AIDA: variants seen among roughly 807,000 people sequenced by gnomAD.
AIDA encodes the protein axin interactor, dorsalization-associated protein.
In AIDA, 18 loss-of-function variants were observed where a neutral mutation model predicts 42.7. The observed-to-expected ratio is 0.42, with a 90% confidence interval of 0.29 to 0.63. The LOEUF (loss-of-function observed/expected upper bound fraction) is 0.63. AIDA is among the 20% of genes least tolerant of loss of function. The probability of loss-of-function intolerance (pLI) is 0.19; values close to 1 mark genes in which losing one functional copy is unlikely to be tolerated. For synonymous variants in AIDA, 104 were observed against 122.9 expected (o/e 0.85, Z 1.02); for missense variants, 250 against 354.1 (o/e 0.71, Z 2.36).
intron 9 of AIDA, 29 bp downstream of exon 9, chr1:222,670,104 A>C (rs773664410): frequency 6.2e-7 from 1 of 1,609,584 alleles, no homozygotes; most frequent in South Asian, 1.1e-5. Flanking sequence ...CCATCAAATT[A>C]GTACTAATTC....
Position 222,705,382 on chromosome 1 carries a change from T to G in AIDA, c.111-2165A>C, listed in dbSNP as rs554518786. On this transcript the variant is annotated intron_variant, in intron 1 of 9. Transcript: ENST00000340020. ...ACTCCCGAGTAATCTATACACTGTA[T>G]CCTTAACAACATCAACTATACATCC... Among the ~76,000 whole-genome samples, 4 of 152,310 alleles carry G rather than the reference T, an allele frequency of 2.6e-5. No individual in the cohort carries two copies. The South Asian group carries it at 8.3e-4, about 32-fold the overall frequency.
At position 222,686,927 on chromosome 1, in the gene AIDA, T is replaced by A; in HGVS notation, c.460+3A>T. On this transcript the variant is annotated splice_donor_region_variant and intron_variant, in intron 6 of 9. Transcript: ENST00000340020. ...ATGTTTATTTTTAATAAGTGATACCTACCGGGAACTCTAGCAGGAAAAGAA... is the reference window on the plus strand; with the variant it reads ...ATGTTTATTTTTAATAAGTGATACCAACCGGGAACTCTAGCAGGAAAAGAA... 6.2e-7 allele frequency: 1 copy of A among 1,612,954 alleles called. No individual in the cohort carries two copies. The highest frequency in any genetic ancestry group is 2.2e-5 in the East Asian group (1 of 44,870).
chr1:222,680,546 C>T (rs1015079820), intron 6 of AIDA, among the ~76,000 whole-genome samples: 1 of 152,150 alleles, frequency 6.6e-6, no homozygotes, highest in Admixed American at 6.5e-5. Flanking sequence ...TGCACTAGTG[C>T]ACTGGGAAAA....
At chr1:222,683,838 T>C (rs1296367573) in intron 6 of AIDA, among the ~76,000 whole-genome samples, 1 of 152,178 alleles carries the variant, frequency 6.6e-6, no homozygotes, top group Non-Finnish European at 1.5e-5. Context: ...ATAACATAAA[T>C]ATGTTTGTCT....
chr1:222,677,201 T>A (rs1664561278), intron 6 of AIDA, among the ~76,000 whole-genome samples: 1 of 152,158 alleles, frequency 6.6e-6, no homozygotes, highest in African/African-American at 2.4e-5. Flanking sequence ...TTATTGCTTA[T>A]TTAAAGAGAG....
In AIDA at chr1:222,678,855, A is replaced by G. The variant is rs1247132291; in HGVS notation, c.461-2637T>C. ...CAGTTCTGGCTAGATTACCTTTGCT[A>G]AACTCTGTCAGTCCTTTTTTCGTTC... is the stretch of plus-strand genomic sequence containing the variant. On this transcript the variant is annotated intron_variant, in intron 6 of 9. Coordinates refer to ENST00000340020, the MANE Select transcript of AIDA (RefSeq NM_022831.4). Among the ~76,000 whole-genome samples, 3 of 152,186 alleles carry G rather than the reference A, an allele frequency of 2.0e-5. No homozygotes were observed. In the East Asian group the frequency reaches 5.8e-4, roughly 29 times the overall value.
chr1:222,677,771 G>T (rs953574133), intron 6 of AIDA, among the ~76,000 whole-genome samples: 4 of 151,874 alleles, frequency 2.6e-5, no homozygotes, highest in Admixed American at 6.6e-5. Flanking sequence ...AATAGTTCAT[G>T]GAGATTTTCC....
intron 1 of AIDA, among the ~76,000 whole-genome samples, chr1:222,708,379 G>GT (rs1432692555): frequency 4.0e-5 from 6 of 149,486 alleles, no homozygotes; most frequent in Non-Finnish European, 5.9e-5. Context: ...ATATTTATTG[G>GT]TTTTTTTAAG....
At chr1:222,706,044 T>C (rs1339364536) in intron 1 of AIDA, among the ~76,000 whole-genome samples, 1 of 152,002 alleles carries the variant, frequency 6.6e-6, no homozygotes, top group African/African-American at 2.4e-5. Flanking sequence ...GTTAAAAAAA[T>C]TTACAGAAGG....
chr1:222,712,293 G>A lies in AIDA; in HGVS notation c.25C>T (p.Leu9=). ...CTAAAACTGGCGCCCCAGCGCTGCA[G>A]CAGACTCCGGGTCACCTCCGACATG... MSEVTRSL[L]QRWGASFRRG... is the part of the protein sequence containing the mutation. The change falls in exon 1 of 10, where the codon CTG becomes TTG. Residue 9 remains leucine, a synonymous_variant. Transcript: ENST00000340020. The A allele has an allele frequency of 3.2e-6, 5 of 1,573,728 alleles. No homozygotes were observed. The highest frequency in any genetic ancestry group is 4.3e-6 in the Non-Finnish European group (5 of 1,159,576).
chr1:222,712,416 G>A lies in AIDA; in HGVS notation c.-99C>T. 6.9e-7 allele frequency: 1 copy of A among 1,442,608 alleles called. No homozygotes were observed. The allele number at this position is 1,442,608 out of a possible 1,614,324, so 89.4% of individuals were successfully genotyped here. On this transcript the variant is annotated 5_prime_UTR_variant, in exon 1 of 10. Coordinates refer to ENST00000340020, the MANE Select transcript of AIDA (RefSeq NM_022831.4). ...CCTGGCCCCGACATTAACAGGGCCA[G>A]GAGGAACCGCTACGGCCACCACCGC...
At chr1:222,695,986 G>A (rs1655509971) in intron 2 of AIDA, among the ~76,000 whole-genome samples, 1 of 152,006 alleles carries the variant, frequency 6.6e-6, no homozygotes, top group South Asian at 2.1e-4. Context: ...ACAATAAACG[G>A]CGATACAACA....
At chr1:222,685,767 T>C (rs1259216263) in intron 6 of AIDA, among the ~76,000 whole-genome samples, 1 of 152,218 alleles carries the variant, frequency 6.6e-6, no homozygotes, top group Non-Finnish European at 1.5e-5. Flanking sequence ...AGTTTCCGTA[T>C]ATTCTTTGCT....
intron 2 of AIDA, among the ~76,000 whole-genome samples, chr1:222,701,140 T>A (rs187477983): frequency 6.6e-6 from 1 of 152,118 alleles, no homozygotes; most frequent in African/African-American, 2.4e-5. Context: ...TTTTTGTATT[T>A]TCAGTAGAGA....
intron 2 of AIDA, among the ~76,000 whole-genome samples, chr1:222,702,479 A>G (rs188659048): frequency 6.6e-6 from 1 of 152,252 alleles, no homozygotes; most frequent in East Asian, 1.9e-4. Flanking sequence ...TAACTCTTTT[A>G]AAGCTTCAGT....
At chr1:222,703,994 G>C (rs1655778190) in intron 1 of AIDA, among the ~76,000 whole-genome samples, 1 of 152,164 alleles carries the variant, frequency 6.6e-6, no homozygotes, top group African/African-American at 2.4e-5. Context: ...GATTTGAATA[G>C]ATAGTTCTCC....
At chr1:222,704,545 A>C (rs190394171) in intron 1 of AIDA, among the ~76,000 whole-genome samples, 209 of 152,364 alleles carry the variant, frequency 1.4e-3, no homozygotes, top group Non-Finnish European at 2.3e-3. Context: ...AAATGAAAAA[A>C]GCCAGATGCA....
At chr1:222,709,696 G>C (rs992920980) in intron 1 of AIDA, among the ~76,000 whole-genome samples, 1 of 152,078 alleles carries the variant, frequency 6.6e-6, no homozygotes, top group Non-Finnish European at 1.5e-5. Flanking sequence ...AAAAATACGA[G>C]AGCCCTAAGG....
intron 5 of AIDA, 45 bp from the exon 6 acceptor site, chr1:222,687,081 A>G (rs781641686): frequency 1.3e-6 from 2 of 1,592,808 alleles, no homozygotes; most frequent in South Asian, 2.3e-5. Flanking sequence ...GCAAAACTAA[A>G]TATACTAGTG....
Sources: allele counts gnomAD v4.1 joint callset (sites outside exome capture counted in the v4.1 genomes callset), GRCh38; gene constraint gnomAD v4.1.1; transcripts MANE v1.5; gene names NCBI Gene and HGNC (gene_info 2026-07-23, HGNC 2026-07-21).